CFAP61: variants seen among roughly 807,000 people sequenced by gnomAD.
CFAP61 encodes the protein cilia and flagella associated protein 61.
Under a neutral mutation model 135.6 loss-of-function variants are expected in CFAP61, and 107 were observed. The ratio of observed to expected loss-of-function variants is 0.79; its 90% CI spans 0.67 to 0.93. The LOEUF (loss-of-function observed/expected upper bound fraction) is 0.93, where lower values mean the gene tolerates loss of function less well. CFAP61 is among the 40% of genes least tolerant of loss of function. The pLI, the probability that CFAP61 is intolerant of heterozygous loss-of-function variation, is 0.00. For missense variants in CFAP61, 1,507 were observed against 1,556.2 expected (o/e 0.97, Z 0.53); for synonymous variants, 575 against 578.5 (o/e 0.99, Z 0.09).
rs1011117789 is a variant in CFAP61, at chr20:20,052,707, G to A, written c.-37+116G>A. ...TGACCAGGCGAGGACGAGTGGCTCT[G>A]TCGAGCCGTGGCGCCCTGCAAGGGA... is the stretch of plus-strand genomic sequence containing the variant. On this transcript the variant is annotated intron_variant, in intron 1 of 26. Transcript: ENST00000245957. The A allele has an allele frequency of 5.0e-6, 8 of 1,610,006 alleles. No homozygotes were observed. In the African/African-American group the frequency reaches 6.7e-5, roughly 13 times the overall value.
At chr20:20,171,335 A>T (rs2054205079) in intron 13 of CFAP61, among the ~76,000 whole-genome samples, 1 of 152,236 alleles carries the variant, frequency 6.6e-6, no homozygotes, top group Non-Finnish European at 1.5e-5. Flanking sequence ...GAAGTTGTCC[A>T]GGAACCGAAG....
chr20:20,181,770 G>T (rs756976894), intron 13 of CFAP61, among the ~76,000 whole-genome samples: 3 of 152,200 alleles, frequency 2.0e-5, no homozygotes, highest in Non-Finnish European at 2.9e-5. Flanking sequence ...AACTATGCTT[G>T]CACCCTTGGG....
chr20:20,095,164 T>A (rs2047475899), intron 7 of CFAP61, among the ~76,000 whole-genome samples: 2 of 152,110 alleles, frequency 1.3e-5, no homozygotes, highest in African/African-American at 4.8e-5. Flanking sequence ...ACAGTAGATA[T>A]AAGAAATAAT....
chr20:20,298,742 A>G (rs1256986456), intron 25 of CFAP61, among the ~76,000 whole-genome samples: 2 of 152,260 alleles, frequency 1.3e-5, no homozygotes, highest in Admixed American at 6.5e-5. Flanking sequence ...CAGCATGAGG[A>G]AGGGTCTGAT....
intron 15 of CFAP61, among the ~76,000 whole-genome samples, chr20:20,192,866 A>G (rs1297834737): frequency 1.3e-5 from 2 of 152,086 alleles, no homozygotes; most frequent in South Asian, 4.1e-4. Context: ...CTTGTATTCA[A>G]TCACCTTTAT....
intron 17 of CFAP61, chr20:20,225,201 C>T (rs968742609): frequency 6.6e-6 from 1 of 152,186 alleles, no homozygotes; most frequent in African/African-American, 2.4e-5. Flanking sequence ...ACAGTTGTCA[C>T]TGAAGGATGT....
intron 26 of CFAP61, among the ~76,000 whole-genome samples, chr20:20,343,017 C>A (rs939063661): frequency 6.6e-6 from 1 of 152,158 alleles, no homozygotes; most frequent in Non-Finnish European, 1.5e-5. Flanking sequence ...CCCGCCACCA[C>A]ACCCAGCTAA....
In CFAP61 at chr20:20,169,479, G is replaced by A; in HGVS notation, c.1385+19G>A. The A allele has an allele frequency of 1.3e-6, 2 of 1,583,772 alleles. No homozygotes were observed. Among genetic ancestry groups the A allele is most frequent in the Non-Finnish European group, 8.6e-7 (1 of 1,161,252 alleles). ...TGCTCAAGTGAGTAGACACATGTTT[G>A]GCCACACAACAATCCATGAAATTAC... is the stretch of plus-strand genomic sequence containing the variant. On this transcript the variant is annotated intron_variant, in intron 13 of 26. Coordinates refer to ENST00000245957, the MANE Select transcript of CFAP61 (RefSeq NM_015585.4).
chr20:20,126,493 C>T (rs959509200), intron 8 of CFAP61, among the ~76,000 whole-genome samples: 4 of 151,812 alleles, frequency 2.6e-5, no homozygotes, highest in Admixed American at 6.6e-5. Context: ...TCTCTGGATA[C>T]GAAATCCTTG....
At chr20:20,340,721 G>A (rs935949747) in intron 25 of CFAP61, among the ~76,000 whole-genome samples, 3 of 152,168 alleles carry the variant, frequency 2.0e-5, no homozygotes, top group Non-Finnish European at 2.9e-5. Context: ...TGGGAGCTCC[G>A]ATGGTGCCAT....
chr20:20,084,869 C>T (rs1041764366), intron 6 of CFAP61, among the ~76,000 whole-genome samples: 1 of 152,130 alleles, frequency 6.6e-6, no homozygotes, highest in Non-Finnish European at 1.5e-5. Context: ...GTGTTCAACT[C>T]CATTTCACAT....
At chr20:20,240,111 A>G (rs1165123101) in intron 18 of CFAP61, among the ~76,000 whole-genome samples, 1 of 152,228 alleles carries the variant, frequency 6.6e-6, no homozygotes, top group Non-Finnish European at 1.5e-5. Flanking sequence ...TTGTTTGGGC[A>G]CATATTAAAT....
rs60497833 is a variant in CFAP61 at position 20,243,434 on chromosome 20, CT to C, written c.2061-2672del. On this transcript the variant is annotated intron_variant, in intron 18 of 26. Transcript: ENST00000245957. ...ATGCCTTCTCAACAGTCCCCCAAGT[CT>C]TTTTTTTTTTCTTTTTTTTGAGATG... 3.4e-3 allele frequency among the ~76,000 whole-genome samples: 499 copies of C among 146,938 alleles called. 4 individuals carry two copies. Among genetic ancestry groups the C allele is most frequent in the East Asian group, 1.0e-2 (50 of 5,008 alleles).
chr20:20,143,438 G>A (rs1168447214), intron 9 of CFAP61, among the ~76,000 whole-genome samples: 1 of 152,170 alleles, frequency 6.6e-6, no homozygotes, highest in East Asian at 1.9e-4. Context: ...AGATTATGTG[G>A]CATGGATTAG....
At chr20:20,053,828 T>A (rs928446043) in intron 1 of CFAP61, among the ~76,000 whole-genome samples, 1 of 152,170 alleles carries the variant, frequency 6.6e-6, no homozygotes, top group Non-Finnish European at 1.5e-5. Context: ...TTCTTTGAAG[T>A]GATTTTCCTT....
chr20:20,178,376 C>T (rs1036739527), intron 13 of CFAP61, among the ~76,000 whole-genome samples: 3 of 152,156 alleles, frequency 2.0e-5, no homozygotes, highest in Admixed American at 6.6e-5. Context: ...TCTTCTATTT[C>T]CGCTGCTTGC....
At chr20:20,109,623 C>G (rs2048658887) in intron 8 of CFAP61, among the ~76,000 whole-genome samples, 1 of 152,134 alleles carries the variant, frequency 6.6e-6, no homozygotes, top group Non-Finnish European at 1.5e-5. Flanking sequence ...CGACATGGAC[C>G]CAGCTCCCAA....
At chr20:20,315,631 G>C (rs1370806655) in intron 25 of CFAP61, among the ~76,000 whole-genome samples, 2 of 151,858 alleles carry the variant, frequency 1.3e-5, no homozygotes, top group East Asian at 3.9e-4. Flanking sequence ...GTCCTGAATG[G>C]TAATGCCTAG....
At chr20:20,318,734 C>T (rs1263472370) in intron 25 of CFAP61, among the ~76,000 whole-genome samples, 1 of 152,204 alleles carries the variant, frequency 6.6e-6, no homozygotes, top group Non-Finnish European at 1.5e-5. Context: ...GATGTGTCTG[C>T]CCACTTAGAC....
Sources: gnomAD v4.1 joint callset for allele counts (sites outside exome capture counted in the v4.1 genomes callset) on GRCh38, gnomAD v4.1.1 for gene constraint, MANE v1.5 for transcripts, NCBI Gene and HGNC (gene_info 2026-07-23, HGNC 2026-07-21) for gene names.